The following ACYP2 variants were observed in gnomAD, a reference collection of about 807,000 sequenced individuals.
ACYP2 encodes the protein acylphosphatase-2.
Under a neutral mutation model 11.2 loss-of-function variants are expected in ACYP2, and 12 were observed. The ratio of observed to expected loss-of-function variants is 1.08; its 90% CI spans 0.69 to 1.74. The LOEUF (loss-of-function observed/expected upper bound fraction) is 1.74, where lower values mean the gene tolerates loss of function less well. Ranked by LOEUF, ACYP2 falls within the 40% of genes most tolerant of loss-of-function variation. ACYP2 has a pLI of 0.00. For synonymous variants in ACYP2, 43 were observed against 32.2 expected, an observed-to-expected ratio of 1.33 and a Z score of -1.13; for missense variants, 134 against 101.9, an observed-to-expected ratio of 1.31 and a Z score of -1.35.
chr2:54,082,956 T>G (rs191896199), intron 4 of ACYP2, among the ~76,000 whole-genome samples: 100 of 151,972 alleles, frequency 6.6e-4, no homozygotes, highest in African/African-American at 2.3e-3. Flanking sequence ...GCATCTGTAA[T>G]CCCAGCTATT....
intron 6 of ACYP2, among the ~76,000 whole-genome samples, chr2:54,260,497 C>G (rs1248574588): frequency 6.6e-6 from 1 of 152,058 alleles, no homozygotes; most frequent in Non-Finnish European, 1.5e-5. Flanking sequence ...AGACCTGAAA[C>G]AAGAAGGGCA....
chr2:54,004,832 T>A (rs1190775199), intron 2 of ACYP2, among the ~76,000 whole-genome samples: 3 of 145,642 alleles, frequency 2.1e-5, no homozygotes, highest in East Asian at 4.1e-4. Flanking sequence ...AAGGCAGAGG[T>A]TGCAGTGAGC....
At chr2:54,221,520 CTT>C (rs548466074) in intron 6 of ACYP2, among the ~76,000 whole-genome samples, 18 of 127,240 alleles carry the variant, frequency 1.4e-4, no homozygotes, top group Admixed American at 3.3e-4. Flanking sequence ...GAATAAAATT[CTT>C]TTTTTTTTTT....
At chr2:54,255,610 T>A in intron 6 of ACYP2, 1 of 1,613,484 alleles carries the variant, frequency 6.2e-7, no homozygotes, top group Non-Finnish European at 8.5e-7. Context: ...GTTTACCTCA[T>A]CTATTGCTCT....
At chr2:54,207,020 G>GTA (rs1384231975) in intron 6 of ACYP2, among the ~76,000 whole-genome samples, 2 of 151,866 alleles carry the variant, frequency 1.3e-5, no homozygotes, top group African/African-American at 4.8e-5. Flanking sequence ...GTGTGTGTGT[G>GTA]TATATGTGTG....
chr2:54,011,231 T>C (rs1673354566), intron 2 of ACYP2, among the ~76,000 whole-genome samples: 1 of 152,166 alleles, frequency 6.6e-6, no homozygotes. Flanking sequence ...AGAATAAAAA[T>C]AGAATGCTTT....
At chr2:54,046,493 A>T (rs1390238231) in intron 2 of ACYP2, among the ~76,000 whole-genome samples, 1 of 152,066 alleles carries the variant, frequency 6.6e-6, no homozygotes, top group Non-Finnish European at 1.5e-5. Context: ...AAAAAAAAAA[A>T]AAAAAAAAAG....
intron 4 of ACYP2, among the ~76,000 whole-genome samples, chr2:54,082,078 C>T (rs1677686399): frequency 1.3e-5 from 2 of 152,178 alleles, no homozygotes; most frequent in South Asian, 4.1e-4. Context: ...CCTGGAGCTG[C>T]TCTCCCTGAA....
intron 5 of ACYP2, among the ~76,000 whole-genome samples, chr2:54,137,298 G>A (rs889429165): frequency 5.9e-5 from 9 of 152,022 alleles, no homozygotes; most frequent in Non-Finnish European, 1.2e-4. Context: ...AATTATTTTA[G>A]GTTCAGCGGT....
chr2:53,982,643 C>T (rs912824245), intron 2 of ACYP2, among the ~76,000 whole-genome samples: 11 of 152,114 alleles, frequency 7.2e-5, no homozygotes, highest in African/African-American at 1.4e-4. Flanking sequence ...TTGAAAGGTG[C>T]GACTTATATT....
intron 2 of ACYP2, among the ~76,000 whole-genome samples, chr2:54,002,817 A>G (rs1558464417): frequency 6.7e-6 from 1 of 149,708 alleles, no homozygotes; most frequent in Non-Finnish European, 1.5e-5. Context: ...ACACCTGGCT[A>G]ATTTAGTATT....
intron 2 of ACYP2, among the ~76,000 whole-genome samples, chr2:54,048,100 T>G (rs1457171512): frequency 6.6e-6 from 1 of 152,158 alleles, no homozygotes; most frequent in Non-Finnish European, 1.5e-5. Context: ...TAGAGATGAT[T>G]TTTCCTAATT....
chr2:54,138,471 G>A (rs554906726), intron 5 of ACYP2, among the ~76,000 whole-genome samples, 168 bp from the exon 3 acceptor site: 1 of 152,326 alleles, frequency 6.6e-6, no homozygotes, highest in South Asian at 2.1e-4. Context: ...TACCATTTAT[G>A]TGAAGGTTCT....
chr2:53,985,860 G>T (rs1672011702), intron 2 of ACYP2, among the ~76,000 whole-genome samples: 1 of 152,158 alleles, frequency 6.6e-6, no homozygotes, highest in East Asian at 1.9e-4. Context: ...GTTGACCAGT[G>T]CTCAGTGGCT....
intron 6 of ACYP2, among the ~76,000 whole-genome samples, chr2:54,236,357 T>G (rs1488011941): frequency 6.6e-6 from 1 of 152,212 alleles, no homozygotes; most frequent in Admixed American, 6.5e-5. Context: ...TAAACTTTAC[T>G]CGTAGAATAG....
chr2:54,077,065 G>A (rs1677379728), intron 4 of ACYP2, among the ~76,000 whole-genome samples: 1 of 152,192 alleles, frequency 6.6e-6, no homozygotes, highest in African/African-American at 2.4e-5. Context: ...CAGAGCTAAT[G>A]AAACCTACCC....
intron 4 of ACYP2, among the ~76,000 whole-genome samples, chr2:54,105,676 G>A (rs1243163413): frequency 1.3e-5 from 2 of 151,828 alleles, no homozygotes; most frequent in Non-Finnish European, 2.9e-5. Context: ...TGTATTTTTT[G>A]TGGAGAAGGG....
At chr2:54,249,755 A>G (rs769518018) in intron 6 of ACYP2, among the ~76,000 whole-genome samples, 1 of 152,028 alleles carries the variant, frequency 6.6e-6, no homozygotes, top group Admixed American at 6.6e-5. Context: ...AGCTTGGGCA[A>G]CACAGTGAGA....
chr2:54,082,654 G>A (rs887162389), intron 4 of ACYP2: 15 of 152,124 alleles, frequency 9.9e-5, no homozygotes, highest in African/African-American at 3.6e-4. Flanking sequence ...ATGTCTTTAA[G>A]CTTATTTTGT....
Sources: allele counts gnomAD v4.1 joint callset (sites outside exome capture counted in the v4.1 genomes callset), GRCh38; gene constraint gnomAD v4.1.1; transcripts MANE v1.5; gene names NCBI Gene and HGNC (gene_info 2026-07-23, HGNC 2026-07-21).